Variants in RAI14 observed in about 807,000 individuals in gnomAD.
The protein encoded by RAI14 is ankycorbin.
Under a neutral mutation model 115.4 loss-of-function variants are expected in RAI14, and 45 were observed. That is an observed-to-expected ratio of 0.39 (90% CI 0.31 to 0.50). RAI14 has a LOEUF of 0.50. RAI14 is among the 20% of genes least tolerant of loss of function. The pLI, the probability that RAI14 is intolerant of heterozygous loss-of-function variation, is 0.85. For synonymous variants in RAI14, 371 were observed against 415.4 expected, an observed-to-expected ratio of 0.89 and a Z score of 1.30; for missense variants, 939 against 1,131.2, an observed-to-expected ratio of 0.83 and a Z score of 2.44.
At chr5:34,780,360 A>C (rs1040002165) in intron 3 of RAI14, among the ~76,000 whole-genome samples, 1 of 152,250 alleles carries the variant, frequency 6.6e-6, no homozygotes, top group Non-Finnish European at 1.5e-5. Context: ...AACAAAAGCC[A>C]AAATTGACAA....
chr5:34,802,909 C>T (rs1754444886), intron 4 of RAI14, among the ~76,000 whole-genome samples: 1 of 152,104 alleles, frequency 6.6e-6, no homozygotes, highest in Admixed American at 6.5e-5. Context: ...CAGGTAATTT[C>T]CATTCAGGGC....
Position 34,663,561 on chromosome 5 carries a change from C to A in RAI14, c.-49+7086C>A, listed in dbSNP as rs552818989. Among the ~76,000 whole-genome samples, 9 of 152,208 alleles carry A rather than the reference C, an allele frequency of 5.9e-5. No homozygotes were observed. The South Asian group carries it at 1.9e-3, about 32-fold the overall frequency. On this transcript the variant is annotated intron_variant, in intron 1 of 17. Transcript: ENST00000265109. Reference sequence around the variant, plus strand: ...ATAAAAAGTAACTTTACTGACTTAACCATGTGTTTAAAAACAAAGCAGTAC... The same window carrying A: ...ATAAAAAGTAACTTTACTGACTTAAACATGTGTTTAAAAACAAAGCAGTAC...
At chr5:34,746,992 A>G (rs143493586) in intron 2 of RAI14, among the ~76,000 whole-genome samples, 349 of 152,270 alleles carry the variant, frequency 2.3e-3, no homozygotes, top group Middle Eastern at 6.8e-3. Context: ...TCCCACTGCC[A>G]TGTAAGAAGT....
chr5:34,699,660 T>C (rs1446421742), intron 2 of RAI14, among the ~76,000 whole-genome samples: 1 of 152,118 alleles, frequency 6.6e-6, no homozygotes, highest in Non-Finnish European at 1.5e-5. Context: ...ATATGGATTT[T>C]GGGGGAAACA....
chr5:34,727,908 C>T (rs1249019925), intron 2 of RAI14, among the ~76,000 whole-genome samples: 1 of 152,172 alleles, frequency 6.6e-6, no homozygotes, highest in Non-Finnish European at 1.5e-5. Context: ...CACTGGGGCA[C>T]TGCCTACTGG....
At chr5:34,725,303 A>C (rs73072591) in intron 2 of RAI14, among the ~76,000 whole-genome samples, 2,730 of 152,198 alleles carry the variant, frequency 0.018, 75 homozygotes, top group African/African-American at 0.06. Context: ...GGGGTCGTAG[A>C]AGACCTGAAT....
At chr5:34,813,703 G>T (rs768107787) in intron 11 of RAI14, 43 bp downstream of exon 11, 1 of 1,481,600 alleles carries the variant, frequency 6.7e-7, no homozygotes, top group African/African-American at 1.4e-5. Context: ...CGCACCACAA[G>T]AAAGCCATAA....
intron 1 of RAI14, among the ~76,000 whole-genome samples, chr5:34,660,901 A>G (rs1199934812): frequency 2.0e-5 from 3 of 151,304 alleles, no homozygotes; most frequent in Admixed American, 6.6e-5. Flanking sequence ...TGCTCTTCCC[A>G]CTACCTGGAA....
intron 2 of RAI14, among the ~76,000 whole-genome samples, chr5:34,702,212 A>G (rs185928684): frequency 6.6e-6 from 1 of 152,218 alleles, no homozygotes; most frequent in East Asian, 1.9e-4. Flanking sequence ...ACTCTAGACA[A>G]CCTCCTCCTA....
At position 34,706,774 on chromosome 5, in the gene RAI14, T is replaced by G. The variant is rs1420283922; in HGVS notation, c.36+19819T>G. On this transcript the variant is annotated intron_variant, in intron 2 of 17. Transcript: ENST00000265109. The stretch of plus-strand genomic sequence containing the variant: ...CATTTTAAGGGCACAGAAATAATAC[T>G]TGTGCCCTTTTTGTATATGCCTCAT... 2.0e-5 allele frequency among the ~76,000 whole-genome samples: 3 copies of G among 152,218 alleles called. No individual in the cohort carries two copies. In the East Asian group the frequency reaches 5.8e-4, roughly 29 times the overall value.
intron 2 of RAI14, among the ~76,000 whole-genome samples, chr5:34,754,408 T>C (rs1247584326): frequency 1.3e-5 from 2 of 152,106 alleles, no homozygotes; most frequent in Non-Finnish European, 2.9e-5. Context: ...TTCTTAAAAT[T>C]TTTTATTTTT....
chr5:34,781,286 G>A (rs892338108), intron 3 of RAI14, among the ~76,000 whole-genome samples: 1 of 151,884 alleles, frequency 6.6e-6, no homozygotes, highest in Admixed American at 6.6e-5. Context: ...ACGAGTTAAT[G>A]GGTGCAGCAC....
At chr5:34,784,353 G>A (rs1221686371) in intron 3 of RAI14, among the ~76,000 whole-genome samples, 1 of 152,176 alleles carries the variant, frequency 6.6e-6, no homozygotes, top group Admixed American at 6.5e-5. Context: ...TTTAAATTTA[G>A]TTATACTAGG....
intron 2 of RAI14, among the ~76,000 whole-genome samples, chr5:34,733,969 C>T (rs926135551): frequency 7.9e-5 from 12 of 152,188 alleles, no homozygotes; most frequent in African/African-American, 2.7e-4. Context: ...GGCTTCATAA[C>T]GTAGTGTCCC....
chr5:34,811,793 T>C lies in RAI14; in HGVS notation c.584T>C (p.Ile195Thr), dbSNP rs536908194. 5.6e-5 allele frequency: 91 copies of C among 1,613,390 alleles called. No individual in the cohort carries two copies. Among genetic ancestry groups the C allele is most frequent in the Middle Eastern group, 3.3e-4 (2 of 6,062 alleles). Residue 195 changes from isoleucine (I) to threonine (T), a missense_variant, in exon 9 of 18, where the codon ATT becomes ACT. By Grantham distance (89) the Ile-to-Thr change is moderately conservative. Coordinates refer to ENST00000265109, the MANE Select transcript of RAI14 (RefSeq NM_015577.3). ...GRTALMLACE[I>T]GSSNAVEALI... ...ACTGCTCTCATGCTGGCCTGTGAGA[T>C]TGGCAGCTCTAACGCTGTGGAAGCC...
intron 3 of RAI14, among the ~76,000 whole-genome samples, chr5:34,776,722 G>A (rs1218557179): frequency 2.0e-5 from 3 of 151,116 alleles, no homozygotes; most frequent in Non-Finnish European, 2.9e-5. Context: ...TGGGAGAATC[G>A]CTTGAGCCAG....
At chr5:34,727,983 C>T (rs7444547) in intron 2 of RAI14, among the ~76,000 whole-genome samples, 42,503 of 152,014 alleles carry the variant, frequency 0.28, 6,079 homozygotes, top group African/African-American at 0.35. Flanking sequence ...CAGCTTGCAC[C>T]GTGCACCTGG....
chr5:34,831,498 A>G lies in RAI14; in HGVS notation c.*733A>G, dbSNP rs1436112532. On this transcript the variant is annotated 3_prime_UTR_variant, in exon 18 of 18. Transcript: ENST00000265109. ...CCTCCTGCTGTTATCTGTGAAGCTCAGGAAATCCAAACATTTGTGTTTCAA... is the reference window on the plus strand; with the variant it reads ...CCTCCTGCTGTTATCTGTGAAGCTCGGGAAATCCAAACATTTGTGTTTCAA... 1.3e-5 allele frequency: 2 copies of G among 152,672 alleles called. No homozygotes were observed. Among genetic ancestry groups the G allele is most frequent in the Non-Finnish European group, 2.9e-5 (2 of 68,048 alleles). 9.5% of individuals were successfully genotyped at this position (152,672 alleles called of 1,614,324 possible). A position where few individuals can be genotyped will look rare whatever the true frequency, so the allele number is the denominator to read the frequency against.
At chr5:34,736,069 T>C (rs1744832459) in intron 2 of RAI14, among the ~76,000 whole-genome samples, 1 of 152,236 alleles carries the variant, frequency 6.6e-6, no homozygotes, top group South Asian at 2.1e-4. Context: ...TTTCAACCTT[T>C]TGGTAGGGGG....
Sources: allele counts gnomAD v4.1 joint callset (sites outside exome capture counted in the v4.1 genomes callset), GRCh38; gene constraint gnomAD v4.1.1; transcripts MANE v1.5; gene names NCBI Gene and HGNC (gene_info 2026-07-23, HGNC 2026-07-21).